Variants in CNTNAP3B observed in about 807,000 individuals in gnomAD.
The protein encoded by CNTNAP3B is contactin associated protein family member 3B, also known as contactin-associated protein-like 3B.
Under a neutral mutation model 108.9 loss-of-function variants are expected in CNTNAP3B, and 25 were observed. That is an observed-to-expected ratio of 0.23 (90% confidence interval 0.17 to 0.32). The LOEUF is 0.32. Among genes scored for constraint, CNTNAP3B ranks in the 10% least tolerant of loss-of-function variants. The probability of loss-of-function intolerance (pLI) is 1.00; values close to 1 mark genes in which losing one functional copy is unlikely to be tolerated. For synonymous variants in CNTNAP3B, 103 were observed against 473.4 expected, an observed-to-expected ratio of 0.22 and a Z score of 10.16; for missense variants, 252 against 1,210.4, an observed-to-expected ratio of 0.21 and a Z score of 11.75.
chr9:41,932,632 GC>G (rs1824014091), intron 14 of CNTNAP3B, among the ~76,000 whole-genome samples: 1 of 151,810 alleles, frequency 6.6e-6, no homozygotes, highest in Non-Finnish European at 1.5e-5. Flanking sequence ...CGATTCTCCT[GC>G]CTCAGCCTCC....
At position 42,079,737 on chromosome 9, in the gene CNTNAP3B, G is replaced by A. The variant is rs1250903918; in HGVS notation, c.197-2675C>T. 2.9e-5 allele frequency among the ~76,000 whole-genome samples: 4 copies of A among 138,102 alleles called. 1 individual carries two copies. The highest frequency in any genetic ancestry group is 4.7e-4 in the South Asian group (2 of 4,288). The allele number at this position is 138,102 out of a possible 152,430, so 90.6% of individuals were successfully genotyped here. A position where few individuals can be genotyped will look rare whatever the true frequency, so the allele number is the denominator to read the frequency against. ...GGGTTTCACCACGTTGGCCAGGATGGTCTTGGTCTCCTGACCTAGTGATTT... is the reference window on the plus strand; with the variant it reads ...GGGTTTCACCACGTTGGCCAGGATGATCTTGGTCTCCTGACCTAGTGATTT... On this transcript the variant is annotated intron_variant, in intron 2 of 23. Coordinates refer to ENST00000377561, the MANE Select transcript of CNTNAP3B (RefSeq NM_001201380.3).
At chr9:41,954,193 C>T (rs1489680132) in intron 12 of CNTNAP3B, among the ~76,000 whole-genome samples, 11 of 152,368 alleles carry the variant, frequency 7.2e-5, no homozygotes, top group East Asian at 3.9e-4. Context: ...GGACATTTTA[C>T]ATAAAAATTT....
At chr9:42,070,885 T>C (rs977009502) in intron 3 of CNTNAP3B, among the ~76,000 whole-genome samples, 1 of 151,594 alleles carries the variant, frequency 6.6e-6, no homozygotes, top group Non-Finnish European at 1.5e-5. Context: ...CCCAAAAACG[T>C]CCCATGACAG....
At chr9:42,030,076 G>A (rs1457390412) in intron 3 of CNTNAP3B, among the ~76,000 whole-genome samples, 1 of 65,178 alleles carries the variant, frequency 1.5e-5, no homozygotes, top group Non-Finnish European at 2.7e-5. Flanking sequence ...CCCGGGAGGC[G>A]GAGCTTGCAG....
chr9:41,934,904 A>G (rs1374416025), intron 14 of CNTNAP3B, among the ~76,000 whole-genome samples: 1,393 of 151,542 alleles, frequency 9.2e-3, no homozygotes, highest in South Asian at 0.035. Context: ...GGTTACTTTT[A>G]AAGACTCTAA....
At position 42,017,235 on chromosome 9, in the gene CNTNAP3B, C is replaced by T. The variant is rs543072166; in HGVS notation, c.391-3710G>A. Among the ~76,000 whole-genome samples, 12 of 137,426 alleles carry T rather than the reference C, an allele frequency of 8.7e-5. 1 individual carries two copies. Among genetic ancestry groups the T allele is most frequent in the Middle Eastern group, 3.5e-3 (1 of 282 alleles). The allele number at this position is 137,426 out of a possible 152,430, so 90.2% of individuals were successfully genotyped here. On this transcript the variant is annotated intron_variant, in intron 3 of 23. Coordinates refer to ENST00000377561, the MANE Select transcript of CNTNAP3B (RefSeq NM_001201380.3). ...TAGCAGTCACATTAGTTAAATCTAACAGTCACAGTCAGTGATGGTGCTCAT... is the reference window on the plus strand; with the variant it reads ...TAGCAGTCACATTAGTTAAATCTAATAGTCACAGTCAGTGATGGTGCTCAT...
chr9:41,973,699 G>A (rs1330184153), intron 9 of CNTNAP3B, among the ~76,000 whole-genome samples: 1 of 139,564 alleles, frequency 7.2e-6, no homozygotes, highest in African/African-American at 2.8e-5. Flanking sequence ...GCAAAAAACT[G>A]CAGGCTATAT....
intron 10 of CNTNAP3B, among the ~76,000 whole-genome samples, chr9:41,967,824 C>A (rs565749525): frequency 6.6e-6 from 1 of 152,268 alleles, no homozygotes; most frequent in Non-Finnish European, 1.5e-5. Context: ...TTATTTGTAG[C>A]CCTATTTGAA....
chr9:42,078,917 C>A (rs1210441260), intron 2 of CNTNAP3B, among the ~76,000 whole-genome samples: 2 of 151,648 alleles, frequency 1.3e-5, no homozygotes, highest in Admixed American at 6.6e-5. Context: ...CATAATCACT[C>A]AATTTAACAA....
chr9:41,966,889 C>A (rs1326507977), intron 10 of CNTNAP3B, among the ~76,000 whole-genome samples: 34 of 150,202 alleles, frequency 2.3e-4, no homozygotes, highest in African/African-American at 7.4e-4. Flanking sequence ...ATGGCATGAA[C>A]CCAGGAGGCG....
At chr9:41,952,054 G>T (rs1264480434) in intron 13 of CNTNAP3B, among the ~76,000 whole-genome samples, 1 of 152,252 alleles carries the variant, frequency 6.6e-6, no homozygotes, top group African/African-American at 2.4e-5. Context: ...ACTCCAGCCT[G>T]GGTGACAGAG....
At chr9:41,964,876 T>C (rs1447782945) in intron 10 of CNTNAP3B, among the ~76,000 whole-genome samples, 3 of 152,278 alleles carry the variant, frequency 2.0e-5, no homozygotes, top group Non-Finnish European at 4.4e-5. Context: ...TTTCAACACA[T>C]TTCTTTTTTT....
At chr9:41,936,036 G>A (rs1428531260) in intron 14 of CNTNAP3B, among the ~76,000 whole-genome samples, 5 of 152,228 alleles carry the variant, frequency 3.3e-5, no homozygotes, top group Non-Finnish European at 7.3e-5. Context: ...CTACAATAAA[G>A]TATGCACTTA....
chr9:42,121,739 G>A (rs1828467869), intron 1 of CNTNAP3B, among the ~76,000 whole-genome samples: 1 of 139,784 alleles, frequency 7.2e-6, no homozygotes, highest in South Asian at 2.3e-4. Context: ...CTTATCTATA[G>A]GTAAGAGCTC....
In CNTNAP3B at chr9:42,098,779, AT is replaced by A. The variant is rs200935585; in HGVS notation, c.196+5849del. Reference sequence around the variant, plus strand: ...TCAGGACAATCAGGCACAGATGGCTATTTTTTCTATTGAGTTGAGATAATTA... The same window carrying A: ...TCAGGACAATCAGGCACAGATGGCTATTTTTCTATTGAGTTGAGATAATTA... On this transcript the variant is annotated intron_variant, in intron 2 of 23. Coordinates refer to ENST00000377561, the MANE Select transcript of CNTNAP3B (RefSeq NM_001201380.3). Among the ~76,000 whole-genome samples, 24 of 129,676 alleles carry A rather than the reference AT, an allele frequency of 1.9e-4. 1 individual carries two copies. In the East Asian group the frequency reaches 2.3e-3, roughly 12 times the overall value. The allele number at this position is 129,676 out of a possible 152,430, so 85.1% of individuals were successfully genotyped here.
chr9:42,017,145 G>A (rs1826233245), intron 3 of CNTNAP3B, among the ~76,000 whole-genome samples: 1 of 139,604 alleles, frequency 7.2e-6, no homozygotes, highest in Non-Finnish European at 1.5e-5. Flanking sequence ...CTGGAAATAT[G>A]TTTCATAAAT....
intron 17 of CNTNAP3B, among the ~76,000 whole-genome samples, chr9:41,920,733 A>G (rs1268374577): frequency 6.6e-6 from 1 of 152,310 alleles, no homozygotes; most frequent in East Asian, 1.9e-4. Context: ...GTTAGGTATG[A>G]ACTTCCAAAT....
At chr9:41,966,510 C>CA (rs1825279115) in intron 10 of CNTNAP3B, among the ~76,000 whole-genome samples, 2 of 152,260 alleles carry the variant, frequency 1.3e-5, no homozygotes, top group South Asian at 4.1e-4. Flanking sequence ...GTGGGGTCAG[C>CA]AGCCTGGTCA....
At chr9:42,036,119 C>T (rs533233000) in intron 3 of CNTNAP3B, among the ~76,000 whole-genome samples, 4 of 150,024 alleles carry the variant, frequency 2.7e-5, no homozygotes, top group Admixed American at 1.3e-4. Flanking sequence ...AAAAACAAAA[C>T]AAATGAAAAC....
Sources: gnomAD v4.1 joint callset for allele counts (sites outside exome capture counted in the v4.1 genomes callset) on GRCh38, gnomAD v4.1.1 for gene constraint, MANE v1.5 for transcripts, NCBI Gene and HGNC (gene_info 2026-07-23, HGNC 2026-07-21) for gene names.